The following MTRF1 variants were observed in gnomAD, a reference collection of about 807,000 sequenced individuals.
MTRF1 encodes mitochondrial translation release factor 1.
In MTRF1, 51 loss-of-function variants were observed where a neutral mutation model predicts 62.9. That is an observed-to-expected ratio of 0.81 (90% CI 0.65 to 1.02). The LOEUF is 1.02. Ranked by LOEUF, MTRF1 falls within the 50% of genes least tolerant of loss-of-function variation. The probability of loss-of-function intolerance (pLI) is 0.00; values close to 1 mark genes in which losing one functional copy is unlikely to be tolerated. For synonymous variants in MTRF1, 158 were observed against 181.9 expected (o/e 0.87, Z 1.06); for missense variants, 446 against 530.0 (o/e 0.84, Z 1.56).
the MTRF1 span, among the ~76,000 whole-genome samples, chr13:41,273,338 A>G: frequency 2.0e-5 from 3 of 151,922 alleles, no homozygotes; most frequent in Non-Finnish European, 4.4e-5. Flanking sequence ...AAAAAAAAAA[A>G]AAAGTTTAGA....
intron 2 of MTRF1, among the ~76,000 whole-genome samples, chr13:41,255,245 A>G (rs1431277723): frequency 6.6e-6 from 1 of 152,010 alleles, no homozygotes; most frequent in African/African-American, 2.4e-5. Flanking sequence ...AGGACTCACT[A>G]TGTTGCCCAG....
intron 9 of MTRF1, among the ~76,000 whole-genome samples, chr13:41,223,053 C>T (rs2033726092): frequency 6.6e-6 from 1 of 152,094 alleles, no homozygotes; most frequent in Admixed American, 6.6e-5. Context: ...TAGAAAAGAC[C>T]ATTGTTTCAA....
At chr13:41,285,268 C>T in the MTRF1 span, among the ~76,000 whole-genome samples, 9 of 152,286 alleles carry the variant, frequency 5.9e-5, no homozygotes, top group East Asian at 1.7e-3. Flanking sequence ...TAAAAGCCTT[C>T]CAACTTGTAA....
At chr13:41,306,297 C>T in the MTRF1 span, among the ~76,000 whole-genome samples, 1,108 of 151,532 alleles carry the variant, frequency 7.3e-3, 18 homozygotes, top group African/African-American at 0.025. Context: ...GACAGGAGAA[C>T]GGCGTGAACC....
chr13:41,258,563 TAA>T (rs1180583583), intron 2 of MTRF1, among the ~76,000 whole-genome samples: 1 of 70,522 alleles, frequency 1.4e-5, no homozygotes, highest in Non-Finnish European at 2.8e-5. Flanking sequence ...GACCATCTCT[TAA>T]AAAAAAAAAC....
At position 41,240,426 on chromosome 13, in the gene MTRF1, T is replaced by C. The variant is rs1593828649; in HGVS notation, c.705A>G (p.Leu235=). 6.2e-7 allele frequency: 1 copy of C among 1,613,130 alleles called. No individual in the cohort carries two copies. Among genetic ancestry groups the C allele is most frequent in the Non-Finnish European group, 8.5e-7 (1 of 1,179,542 alleles). ...LNYTPADYGG[L]HHAAARISGD... is the part of the protein sequence containing the mutation. ...CGGAAATTCGGGCGGCTGCATGATG[T>C]AGTCCACCTAGGGGAACAACAATCC... Residue 235 remains leucine (L), a synonymous_variant, in exon 6 of 10, where the codon CTA becomes CTG. Coordinates refer to ENST00000379480, the MANE Select transcript of MTRF1 (RefSeq NM_004294.4).
chr13:41,279,749 G>A, the MTRF1 span, among the ~76,000 whole-genome samples: 1 of 152,010 alleles, frequency 6.6e-6, no homozygotes, highest in Admixed American at 6.6e-5. Flanking sequence ...GTCTCTCATG[G>A]GAAAAATCCA....
intron 9 of MTRF1, among the ~76,000 whole-genome samples, chr13:41,222,711 G>A (rs1465807638): frequency 6.6e-6 from 1 of 152,186 alleles, no homozygotes; most frequent in Non-Finnish European, 1.5e-5. Context: ...TGTCAGCAAG[G>A]GAATGGGGGC....
chr13:41,282,384 T>A, the MTRF1 span, among the ~76,000 whole-genome samples: 150,680 of 152,234 alleles, frequency 0.99, 74,594 homozygotes, highest in East Asian at 1. Context: ...TTGAGCCTGG[T>A]AGATTGAGGC....
intron 6 of MTRF1, 60 bp downstream of exon 6, chr13:41,240,201 G>C (rs2037291688): frequency 6.8e-7 from 1 of 1,463,302 alleles, no homozygotes; most frequent in Non-Finnish European, 9.2e-7. Flanking sequence ...AGAAGCTAAG[G>C]CTTCCAGCAC....
the MTRF1 span, among the ~76,000 whole-genome samples, chr13:41,311,893 C>T: frequency 2.6e-5 from 4 of 152,246 alleles, no homozygotes; most frequent in Admixed American, 6.5e-5. Context: ...TAGTGGCTGC[C>T]GTGCTCTCTG....
chr13:41,268,155 T>TA (rs920815589), upstream of MTRF1, among the ~76,000 whole-genome samples: 4 of 152,190 alleles, frequency 2.6e-5, no homozygotes, highest in African/African-American at 9.6e-5. Flanking sequence ...CTTATAATTC[T>TA]AACATCAGAA....
At chr13:41,271,381 AG>A in the MTRF1 span, among the ~76,000 whole-genome samples, 1 of 152,174 alleles carries the variant, frequency 6.6e-6, no homozygotes, top group Non-Finnish European at 1.5e-5. Flanking sequence ...AATGCTCAAA[AG>A]GGGGTCATTC....
chr13:41,259,057 A>C (rs779583650), intron 2 of MTRF1, among the ~76,000 whole-genome samples: 2 of 152,210 alleles, frequency 1.3e-5, no homozygotes, highest in Non-Finnish European at 2.9e-5. Context: ...GCAAATCAAA[A>C]CCACAATAAC....
Position 41,240,459 on chromosome 13 carries a change from G to T in MTRF1, c.698-26C>A, listed in dbSNP as rs1347103459. On this transcript the variant is annotated intron_variant, in intron 5 of 9. Coordinates refer to ENST00000379480, the MANE Select transcript of MTRF1 (RefSeq NM_004294.4). The stretch of plus-strand genomic sequence containing the variant: ...CTAGGGGAACAACAATCCAGAAATA[G>T]TAATGAATTATCCTTTGAAACAGAT... 1.9e-6 allele frequency: 3 copies of T among 1,603,468 alleles called. No individual in the cohort carries two copies. In the East Asian group the frequency reaches 6.7e-5, roughly 36 times the overall value.
the MTRF1 span, among the ~76,000 whole-genome samples, chr13:41,304,420 G>A: frequency 2.6e-5 from 4 of 152,178 alleles, no homozygotes; most frequent in Admixed American, 2.6e-4. Flanking sequence ...AACTACAGAC[G>A]TGTGCCTGGG....
chr13:41,238,059 A>C lies in MTRF1; in HGVS notation c.870+2202T>G, dbSNP rs549686523. On this transcript the variant is annotated intron_variant, in intron 6 of 9. Coordinates refer to ENST00000379480, the MANE Select transcript of MTRF1 (RefSeq NM_004294.4). ...TTTGAATTGGTAGTAATAATATGAA[A>C]CTTTGATTTCAAAACATGTATTTCC... 1.7e-4 allele frequency among the ~76,000 whole-genome samples: 26 copies of C among 152,276 alleles called. No homozygotes were observed. The East Asian group carries it at 2.7e-3, about 16-fold the overall frequency.
chr13:41,271,840 C>T, the MTRF1 span, among the ~76,000 whole-genome samples: 1 of 152,070 alleles, frequency 6.6e-6, no homozygotes, highest in East Asian at 1.9e-4. Context: ...CGTTCATTTC[C>T]TCATGCAAAT....
At chr13:41,249,369 G>A (rs1374701579) in intron 5 of MTRF1, among the ~76,000 whole-genome samples, 1 of 151,886 alleles carries the variant, frequency 6.6e-6, no homozygotes, top group Non-Finnish European at 1.5e-5. Flanking sequence ...GTGAAACCCC[G>A]TCTCTACTAA....
Sources: allele counts gnomAD v4.1 joint callset (sites outside exome capture counted in the v4.1 genomes callset), GRCh38; gene constraint gnomAD v4.1.1; transcripts MANE v1.5; gene names NCBI Gene and HGNC (gene_info 2026-07-23, HGNC 2026-07-21).